CNTNAP4: variants seen among roughly 807,000 people sequenced by gnomAD.
CNTNAP4 encodes the protein contactin associated protein family member 4.
A neutral mutation model predicts 148.4 loss-of-function variants in CNTNAP4; 98 were observed. The ratio of observed to expected loss-of-function variants is 0.66; its 90% CI spans 0.56 to 0.78. CNTNAP4 has a LOEUF of 0.78. CNTNAP4 is among the 30% of genes least tolerant of loss of function. CNTNAP4 has a pLI of 0.00. For synonymous variants in CNTNAP4, 730 were observed against 565.1 expected, an observed-to-expected ratio of 1.29 and a Z score of -4.14; for missense variants, 1,935 against 1,565.6, an observed-to-expected ratio of 1.24 and a Z score of -3.98.
At chr16:76,475,343 A>C (rs960177262) in intron 10 of CNTNAP4, among the ~76,000 whole-genome samples, 6 of 152,214 alleles carry the variant, frequency 3.9e-5, no homozygotes, top group Non-Finnish European at 7.3e-5. Flanking sequence ...ACCTCAAGCT[A>C]GTTAGTCACA....
chr16:76,445,877 G>A (rs1001221343), intron 4 of CNTNAP4, among the ~76,000 whole-genome samples: 2 of 152,106 alleles, frequency 1.3e-5, no homozygotes, highest in Non-Finnish European at 2.9e-5. Flanking sequence ...TTTAAAGTCT[G>A]TCTTACTGGA....
At chr16:76,339,212 T>G (rs923092551) in intron 2 of CNTNAP4, among the ~76,000 whole-genome samples, 2 of 152,140 alleles carry the variant, frequency 1.3e-5, no homozygotes, top group African/African-American at 4.8e-5. Context: ...TCTAATGTCT[T>G]GTGCTGCCAG....
At chr16:76,541,605 G>T (rs1192842671) in intron 21 of CNTNAP4, among the ~76,000 whole-genome samples, 3 of 151,908 alleles carry the variant, frequency 2.0e-5, no homozygotes, top group African/African-American at 7.3e-5. Flanking sequence ...TTTATTTTTT[G>T]ACCTTTGCAG....
chr16:76,489,136 T>C (rs1304642056), intron 12 of CNTNAP4, among the ~76,000 whole-genome samples: 1 of 152,192 alleles, frequency 6.6e-6, no homozygotes, highest in African/African-American at 2.4e-5. Flanking sequence ...ATTTTGACTT[T>C]ATTTTTGCTG....
chr16:76,463,697 A>G (rs2081069975), intron 9 of CNTNAP4, among the ~76,000 whole-genome samples: 1 of 152,190 alleles, frequency 6.6e-6, no homozygotes, highest in Non-Finnish European at 1.5e-5. Flanking sequence ...TCTTAAGTAT[A>G]CACCTACCCA....
chr16:76,373,015 C>T (rs2015015588), intron 3 of CNTNAP4, among the ~76,000 whole-genome samples: 1 of 152,122 alleles, frequency 6.6e-6, no homozygotes, highest in Admixed American at 6.6e-5. Flanking sequence ...ATCTGAAATA[C>T]AATAATCTGA....
intron 1 of CNTNAP4, among the ~76,000 whole-genome samples, chr16:76,301,757 C>A (rs1959994527): frequency 1.3e-5 from 2 of 152,090 alleles, no homozygotes; most frequent in Admixed American, 1.3e-4. Context: ...TCAAATCCGC[C>A]TCCCTGAAGA....
rs183297968 is a variant in CNTNAP4, at chr16:76,398,617, T to G, written c.391-28835T>G. 5.6e-3 allele frequency among the ~76,000 whole-genome samples: 845 copies of G among 152,080 alleles called. 6 individuals carry two copies. Among genetic ancestry groups the G allele is most frequent in the Non-Finnish European group, 6.5e-3 (444 of 67,996 alleles). On this transcript the variant is annotated intron_variant, in intron 3 of 23. Transcript: ENST00000611870. ...AGTAGGGTATACAAATACTAAAAAT[T>G]TTACTACATAACATGAGGGGTGCCG...
At chr16:76,554,935 T>G (rs2085127666) in intron 23 of CNTNAP4, among the ~76,000 whole-genome samples, 1 of 152,034 alleles carries the variant, frequency 6.6e-6, no homozygotes, top group African/African-American at 2.4e-5. Context: ...CTCTTTCCCA[T>G]TTCTCTTCTA....
rs1181730251 is a variant in CNTNAP4 at position 76,452,710 on chromosome 16, A to G, written c.1274A>G (p.Asp425Gly). The G allele has an allele frequency of 1.2e-6, 2 of 1,611,514 alleles. No homozygotes were observed. The highest frequency in any genetic ancestry group is 3.4e-5 in the Admixed American group (2 of 59,694). The change falls in exon 8 of 24, where the codon GAT becomes GGT. Residue 425 changes from aspartate (D) to glycine (G), a missense_variant. Physicochemically the swap from Asp to Gly is moderately conservative, Grantham distance 94. Coordinates refer to ENST00000611870, the MANE Select transcript of CNTNAP4 (RefSeq NM_033401.5). ...ISGGILLFLS[D>G]GKLKSNLYQP... ...GGGGGTATCCTCCTCTTTCTGAGTG[A>G]TGGAAAACTTAAGTCGAATCTCTAC...
At chr16:76,458,934 C>T (rs34217228) in intron 8 of CNTNAP4, among the ~76,000 whole-genome samples, 49,961 of 151,610 alleles carry the variant, frequency 0.33, 9,760 homozygotes, top group Non-Finnish European at 0.42. Context: ...TTACAGTTCC[C>T]CCTTTTTTTT....
chr16:76,486,812 C>A (rs961754757), intron 12 of CNTNAP4, among the ~76,000 whole-genome samples: 1 of 151,986 alleles, frequency 6.6e-6, no homozygotes, highest in African/African-American at 2.4e-5. Flanking sequence ...CTCTGTAAGC[C>A]CAAGCCTCAT....
intron 8 of CNTNAP4, among the ~76,000 whole-genome samples, chr16:76,460,769 A>ATATATATATATATATAT: frequency 2.8e-5 from 1 of 35,092 alleles, no homozygotes; most frequent in Non-Finnish European, 7.0e-5. Context: ...AAAAAAAAAA[A>ATATATATATATATATAT]AAAAATATAT....
At chr16:76,482,020 T>TAA (rs1568348893) in intron 12 of CNTNAP4, among the ~76,000 whole-genome samples, 13 of 141,518 alleles carry the variant, frequency 9.2e-5, no homozygotes, top group African/African-American at 1.3e-4. Context: ...TTTTTTTTTT[T>TAA]AATTTTTATT....
At chr16:76,447,918 G>A (rs527351372) in intron 4 of CNTNAP4, 94 bp from the exon 5 acceptor site, 39 of 838,304 alleles carry the variant, frequency 4.7e-5, no homozygotes, top group Admixed American at 3.7e-4. Flanking sequence ...GTATGAGTAC[G>A]TATACTGCCT....
At chr16:76,427,107 A>G (rs1194173818) in intron 3 of CNTNAP4, among the ~76,000 whole-genome samples, 7 of 152,120 alleles carry the variant, frequency 4.6e-5, no homozygotes, top group African/African-American at 1.4e-4. Flanking sequence ...TATTTTCTCA[A>G]TTTTTTTGGT....
intron 12 of CNTNAP4, among the ~76,000 whole-genome samples, chr16:76,487,336 A>G (rs556419558): frequency 6.6e-6 from 1 of 152,284 alleles, no homozygotes; most frequent in South Asian, 2.1e-4. Flanking sequence ...TGTGCTGGAG[A>G]TATGATTGTT....
At chr16:76,456,572 C>G (rs117731300) in intron 8 of CNTNAP4, among the ~76,000 whole-genome samples, 2 of 151,940 alleles carry the variant, frequency 1.3e-5, no homozygotes, top group African/African-American at 4.8e-5. Flanking sequence ...ATTATAGTCA[C>G]AGAATGGCCT....
At chr16:76,426,453 A>G (rs1454217365) in intron 3 of CNTNAP4, among the ~76,000 whole-genome samples, 1 of 152,158 alleles carries the variant, frequency 6.6e-6, no homozygotes. Flanking sequence ...GGAGGAGAGG[A>G]GAAGGAGGAC....
Sources: gnomAD v4.1 joint callset for allele counts (sites outside exome capture counted in the v4.1 genomes callset) on GRCh38, gnomAD v4.1.1 for gene constraint, MANE v1.5 for transcripts, NCBI Gene and HGNC (gene_info 2026-07-23, HGNC 2026-07-21) for gene names.